ARL5B: variants seen among roughly 807,000 people sequenced by gnomAD.
The protein encoded by ARL5B is ARF like GTPase 5B, also known as ADP-ribosylation factor-like protein 5B.
ARL5B carries 10 observed loss-of-function variants against 26.9 expected under a neutral mutation model. That is an observed-to-expected ratio of 0.37 (90% CI 0.23 to 0.63). The LOEUF is 0.63. Among genes scored for constraint, ARL5B ranks in the 30% least tolerant of loss-of-function variants. The pLI is 0.62. For synonymous variants in ARL5B, 87 were observed against 70.4 expected, an observed-to-expected ratio of 1.24 and a Z score of -1.18; for missense variants, 167 against 213.9, an observed-to-expected ratio of 0.78 and a Z score of 1.37.
chr10:18,675,509 T>G lies in ARL5B; in HGVS notation c.*293T>G. The G allele has an allele frequency of 2.9e-6, 1 of 342,736 alleles. No individual in the cohort carries two copies. Among genetic ancestry groups the G allele is most frequent in the South Asian group, 4.2e-5 (1 of 24,072 alleles). The allele number at this position is 342,736 out of a possible 1,614,324, so 21.2% of individuals were successfully genotyped here. A position where few individuals can be genotyped will look rare whatever the true frequency, so the allele number is the denominator to read the frequency against. On this transcript the variant is annotated 3_prime_UTR_variant, in exon 6 of 6. Transcript: ENST00000377275. ...TGCCTTGTAAGAAATGTTTGTCATA[T>G]GCGTGATGTCTTCTGAAATATTCTT...
At chr10:18,674,179 T>A in intron 5 of ARL5B, 44 bp downstream of exon 5, 1 of 1,543,602 alleles carries the variant, frequency 6.5e-7, no homozygotes, top group Non-Finnish European at 8.7e-7. Flanking sequence ...CTTTCAAATT[T>A]CTTCCAACTT....
intron 1 of ARL5B, among the ~76,000 whole-genome samples, chr10:18,660,257 G>C (rs1440721394): frequency 3.9e-5 from 6 of 151,968 alleles, no homozygotes; most frequent in African/African-American, 1.5e-4. Flanking sequence ...GAAACTAAAT[G>C]CTTTTCGGTT....
At position 18,673,957 on chromosome 10, in the gene ARL5B, A is replaced by G. The variant is rs762445808; in HGVS notation, c.340-27A>G. ...AAATTTAAATTGTGGTATTTCACAT[A>G]TTAGAAATATTTTGTCTTGATTGCA... is the stretch of plus-strand genomic sequence containing the variant. On this transcript the variant is annotated intron_variant, in intron 4 of 5. Transcript: ENST00000377275. The G allele has an allele frequency of 5.1e-6, 8 of 1,574,312 alleles. No homozygotes were observed. The East Asian group carries it at 1.2e-4, about 23-fold the overall frequency.
At chr10:18,672,544 A>T in intron 3 of ARL5B, 78 bp from the exon 4 acceptor site, 1 of 964,222 alleles carries the variant, frequency 1.0e-6, no homozygotes, top group Non-Finnish European at 1.6e-6. Flanking sequence ...GAAAGTACTT[A>T]GATTACTTGA....
At chr10:18,664,119 A>G (rs906705405) in intron 1 of ARL5B, among the ~76,000 whole-genome samples, 1 of 151,614 alleles carries the variant, frequency 6.6e-6, no homozygotes, top group Non-Finnish European at 1.5e-5. Context: ...ATGCCCGGCT[A>G]AGTTTTGTAT....
At chr10:18,660,016 GTC>G (rs1396478172) in intron 1 of ARL5B, 1 of 895,740 alleles carries the variant, frequency 1.1e-6, no homozygotes, top group Non-Finnish European at 1.3e-6. Flanking sequence ...GCGTGCTTGT[GTC>G]TATGTGTATC....
At chr10:18,671,188 T>G (rs1169561929) in intron 3 of ARL5B, among the ~76,000 whole-genome samples, 1 of 152,146 alleles carries the variant, frequency 6.6e-6, no homozygotes, top group Non-Finnish European at 1.5e-5. Flanking sequence ...TTTATTTTTG[T>G]TTTTTATTTA....
intron 1 of ARL5B, among the ~76,000 whole-genome samples, chr10:18,661,424 G>T (rs1342819690): frequency 6.6e-6 from 1 of 152,016 alleles, no homozygotes; most frequent in East Asian, 1.9e-4. Flanking sequence ...TTTTATACTC[G>T]CATAATTGTT....
At chr10:18,671,360 CAG>C (rs1384502961) in intron 3 of ARL5B, among the ~76,000 whole-genome samples, 1 of 151,920 alleles carries the variant, frequency 6.6e-6, no homozygotes, top group African/African-American at 2.4e-5. Flanking sequence ...TTAATAGAGA[CAG>C]GGTTTCACCA....
At chr10:18,670,369 G>C (rs1190229471) in intron 3 of ARL5B, among the ~76,000 whole-genome samples, 2 of 152,176 alleles carry the variant, frequency 1.3e-5, no homozygotes, top group African/African-American at 2.4e-5. Flanking sequence ...CCAGCACTTT[G>C]GTAGGCCGAG....
chr10:18,670,987 C>T (rs373855887), intron 3 of ARL5B, among the ~76,000 whole-genome samples: 2 of 152,126 alleles, frequency 1.3e-5, no homozygotes, highest in African/African-American at 2.4e-5. Flanking sequence ...CCCCCAAAAG[C>T]GGTAGTATGT....
Position 18,661,654 on chromosome 10 carries a change from GAAA to G in ARL5B, c.46+1977_46+1979del, listed in dbSNP as rs34909390. On this transcript the variant is annotated intron_variant, in intron 1 of 5. Coordinates refer to ENST00000377275, the MANE Select transcript of ARL5B (RefSeq NM_178815.5). The stretch of plus-strand genomic sequence containing the variant: ...AAACATCAATAAACGAGACAAACAT[GAAA>G]AAAAATGCAGTGTGGTAAATTATTT... Among the ~76,000 whole-genome samples the G allele has an allele frequency of 7.9e-5, 12 of 152,022 alleles. No individual in the cohort carries two copies. The East Asian group carries it at 2.3e-3, about 29-fold the overall frequency.
intron 4 of ARL5B, 72 bp downstream of exon 4, chr10:18,672,777 A>G: frequency 2.0e-6 from 2 of 1,018,630 alleles, no homozygotes; most frequent in Admixed American, 2.0e-5. Context: ...CTTTTTTGCA[A>G]AGATTAATGT....
intron 1 of ARL5B, chr10:18,660,033 G>A (rs1223888094): frequency 2.4e-6 from 2 of 839,894 alleles, no homozygotes; most frequent in South Asian, 5.5e-5. Context: ...TGTATCCCCA[G>A]GATAAGTGTC....
At chr10:18,672,910 A>T in intron 4 of ARL5B, among the ~76,000 whole-genome samples, 1 of 152,344 alleles carries the variant, frequency 6.6e-6, no homozygotes, top group South Asian at 2.1e-4. Context: ...ATTAATTTGT[A>T]GATTACTACT....
At chr10:18,664,506 C>T (rs111925983) in intron 1 of ARL5B, among the ~76,000 whole-genome samples, 51 of 136,216 alleles carry the variant, frequency 3.7e-4, no homozygotes, top group African/African-American at 1.4e-3. Flanking sequence ...GACCCGATCT[C>T]GGCTCACCGC....
At chr10:18,669,825 C>G (rs977610824) in intron 3 of ARL5B, among the ~76,000 whole-genome samples, 13 of 151,952 alleles carry the variant, frequency 8.6e-5, no homozygotes, top group African/African-American at 2.9e-4. Context: ...AACCCCGTCT[C>G]TACTAAAAAT....
At chr10:18,663,049 C>T (rs1044442760) in intron 1 of ARL5B, among the ~76,000 whole-genome samples, 1 of 151,968 alleles carries the variant, frequency 6.6e-6, no homozygotes, top group Non-Finnish European at 1.5e-5. Flanking sequence ...TTTTCTGTCA[C>T]CCAGGCTGGA....
intron 5 of ARL5B, 40 bp downstream of exon 5, chr10:18,674,175 A>C (rs747433143): frequency 1.7e-5 from 26 of 1,552,550 alleles, no homozygotes; most frequent in Admixed American, 2.0e-5. Context: ...ACTTCTTTCA[A>C]ATTTCTTCCA....
Sources: allele counts gnomAD v4.1 joint callset (sites outside exome capture counted in the v4.1 genomes callset), GRCh38; gene constraint gnomAD v4.1.1; transcripts MANE v1.5; gene names NCBI Gene and HGNC (gene_info 2026-07-23, HGNC 2026-07-21).